The following PRPF18 variants were observed in gnomAD, a reference collection of about 807,000 sequenced individuals.
PRPF18 encodes pre-mRNA processing factor 18.
PRPF18 carries 38 observed loss-of-function variants against 46.5 expected under a neutral mutation model. That is an observed-to-expected ratio of 0.82 (90% CI 0.63 to 1.07). The LOEUF (loss-of-function observed/expected upper bound fraction) is 1.07, where lower values mean the gene tolerates loss of function less well. Among genes scored for constraint, PRPF18 ranks in the 50% least tolerant of loss-of-function variants. The pLI, the probability that PRPF18 is intolerant of heterozygous loss-of-function variation, is 0.00. For missense variants in PRPF18, 263 were observed against 410.0 expected (o/e 0.64, Z 3.10); for synonymous variants, 152 against 146.7 (o/e 1.04, Z -0.26).
At chr10:13,629,163 C>CA (rs1481117440) in intron 9 of PRPF18, among the ~76,000 whole-genome samples, 1 of 152,142 alleles carries the variant, frequency 6.6e-6, no homozygotes, top group African/African-American at 2.4e-5. Flanking sequence ...GCTGTAGAGA[C>CA]AAAAGGCACT....
In PRPF18 at chr10:13,613,800, T is replaced by C; in HGVS notation, c.639T>C (p.Ser213=). 6.2e-7 allele frequency: 1 copy of C among 1,614,008 alleles called. No homozygotes were observed. Residue 213 remains serine, a synonymous_variant, in exon 7 of 10, where the codon AGT becomes AGC. Transcript: ENST00000378572. ...LNAREDYVKR[S]VQGKLNSATQ... ...CCAGAGAAGATTATGTGAAACGCAGTGTGCAGGGTAAACTGAACAGTGCGA... is the reference window on the plus strand; with the variant it reads ...CCAGAGAAGATTATGTGAAACGCAGCGTGCAGGGTAAACTGAACAGTGCGA...
chr10:13,625,369 A>G (rs1445579780), intron 9 of PRPF18, among the ~76,000 whole-genome samples: 2 of 152,200 alleles, frequency 1.3e-5, no homozygotes, highest in African/African-American at 2.4e-5. Flanking sequence ...TAAGAACATT[A>G]GGCTATAAAA....
chr10:13,650,639 G>T, the PRPF18 span, among the ~76,000 whole-genome samples: 1 of 152,138 alleles, frequency 6.6e-6, no homozygotes, highest in East Asian at 1.9e-4. Flanking sequence ...GCTGGGGGAG[G>T]GGGTCTACCT....
chr10:13,598,118 T>C (rs2080060559), intron 2 of PRPF18, among the ~76,000 whole-genome samples: 1 of 152,190 alleles, frequency 6.6e-6, no homozygotes, highest in Admixed American at 6.5e-5. Flanking sequence ...GTCTGTTGGA[T>C]AGAAAATGTC....
chr10:13,592,360 A>G, intron 1 of PRPF18: 1 of 268,588 alleles, frequency 3.7e-6, no homozygotes, highest in South Asian at 5.1e-5. Context: ...CTTTGTTTTA[A>G]TTTTTTAGAA....
At chr10:13,636,400 C>T in the PRPF18 span, among the ~76,000 whole-genome samples, 1 of 152,140 alleles carries the variant, frequency 6.6e-6, no homozygotes, top group South Asian at 2.1e-4. Flanking sequence ...GCCTGGGTGA[C>T]AGAGTGAGAC....
At chr10:13,654,156 T>G in the PRPF18 span, 2 of 559,688 alleles carry the variant, frequency 3.6e-6, no homozygotes, top group Non-Finnish European at 6.3e-6. Context: ...CAGTCCCACT[T>G]CGTGCTTCCA....
At chr10:13,625,728 A>G (rs958781343) in intron 9 of PRPF18, among the ~76,000 whole-genome samples, 1 of 152,216 alleles carries the variant, frequency 6.6e-6, no homozygotes, top group African/African-American at 2.4e-5. Context: ...CTTCAGAGAA[A>G]AGGTCGCTTA....
intron 2 of PRPF18, among the ~76,000 whole-genome samples, chr10:13,598,488 T>A (rs538129682): frequency 6.6e-6 from 1 of 152,210 alleles, no homozygotes; most frequent in African/African-American, 2.4e-5. Flanking sequence ...GGTATGTATA[T>A]GCATTTGGTT....
chr10:13,621,179 A>T (rs1038006152), intron 9 of PRPF18, among the ~76,000 whole-genome samples: 1 of 152,228 alleles, frequency 6.6e-6, no homozygotes, highest in Admixed American at 6.5e-5. Context: ...GGAGAAAAAG[A>T]TGAGGTGAAA....
chr10:13,591,759 T>G, intron 1 of PRPF18: 1 of 1,347,192 alleles, frequency 7.4e-7, no homozygotes, highest in Non-Finnish European at 1.0e-6. Context: ...TCTGGTGTTT[T>G]CTTCATAGAG....
chr10:13,613,618 G>A (rs776632907), intron 6 of PRPF18, 123 bp from the exon 7 acceptor site: 48 of 1,056,272 alleles, frequency 4.5e-5, no homozygotes, highest in Non-Finnish European at 6.1e-5. Context: ...TTATTTGGTG[G>A]CATTTTAATC....
chr10:13,594,791 A>G (rs1318537964), intron 1 of PRPF18, among the ~76,000 whole-genome samples: 1 of 152,186 alleles, frequency 6.6e-6, no homozygotes, highest in East Asian at 1.9e-4. Flanking sequence ...AAATACTATC[A>G]TTGTTTTCTT....
intron 1 of PRPF18, among the ~76,000 whole-genome samples, chr10:13,595,045 A>G (rs968302175): frequency 6.6e-6 from 1 of 152,174 alleles, no homozygotes; most frequent in African/African-American, 2.4e-5. Context: ...GAGAAACTAG[A>G]CTTTTTATTT....
At chr10:13,639,437 G>A in the PRPF18 span, 1 of 152,112 alleles carries the variant, frequency 6.6e-6, no homozygotes, top group African/African-American at 2.4e-5. Flanking sequence ...TCATCATTTT[G>A]GGAAAAGCAG....
chr10:13,597,581 A>G (rs1456588599), intron 2 of PRPF18, 46 bp downstream of exon 2: 1 of 1,598,336 alleles, frequency 6.3e-7, no homozygotes. Flanking sequence ...TCTGAGTTTA[A>G]ATTTATACAG....
intron 8 of PRPF18, 27 bp from the exon 9 acceptor site, chr10:13,616,371 T>G (rs747805894): frequency 1.9e-6 from 3 of 1,579,560 alleles, no homozygotes; most frequent in Non-Finnish European, 2.6e-6. Context: ...TTCGCCTTTC[T>G]GATTTCTTCT....
chr10:13,650,957 G>A, the PRPF18 span: 2 of 152,200 alleles, frequency 1.3e-5, no homozygotes, highest in African/African-American at 4.8e-5. Flanking sequence ...AAGTCTTAGA[G>A]CACTTAATAC....
At chr10:13,651,720 A>C in the PRPF18 span, 1 of 607,914 alleles carries the variant, frequency 1.6e-6, no homozygotes, top group South Asian at 2.0e-5. Context: ...AGTGTTAGGA[A>C]TATCATAATT....
Sources: allele counts gnomAD v4.1 joint callset (sites outside exome capture counted in the v4.1 genomes callset), GRCh38; gene constraint gnomAD v4.1.1; transcripts MANE v1.5; gene names NCBI Gene and HGNC (gene_info 2026-07-23, HGNC 2026-07-21).